The following GOLM1 variants were observed in gnomAD, a reference collection of about 807,000 sequenced individuals.
GOLM1 encodes golgi membrane protein 1.
In GOLM1, 31 loss-of-function variants were observed where a neutral mutation model predicts 50.5. That is an observed-to-expected ratio of 0.61 (90% CI 0.46 to 0.83). The LOEUF (loss-of-function observed/expected upper bound fraction) is 0.83, where lower values mean the gene tolerates loss of function less well. Among genes scored for constraint, GOLM1 ranks in the 40% least tolerant of loss-of-function variants. GOLM1 has a pLI of 0.00. For synonymous variants in GOLM1, 178 were observed against 192.8 expected, an observed-to-expected ratio of 0.92 and a Z score of 0.64; for missense variants, 491 against 501.3, an observed-to-expected ratio of 0.98 and a Z score of 0.20.
chr9:86,059,009 TAAATAA>T (rs1284530148), intron 3 of GOLM1, among the ~76,000 whole-genome samples: 1 of 151,062 alleles, frequency 6.6e-6, no homozygotes, highest in African/African-American at 2.4e-5. Flanking sequence ...AAAAAATAAA[TAAATAA>T]AAATAAAAAA....
chr9:86,069,212 CTTTTTTG>C (rs1045741014), intron 3 of GOLM1, among the ~76,000 whole-genome samples: 5 of 151,614 alleles, frequency 3.3e-5, no homozygotes, highest in African/African-American at 1.2e-4. Context: ...GTGAATTTTT[CTTTTTTG>C]TTTTCAAATT....
At chr9:86,049,667 T>C (rs1405067805) in intron 4 of GOLM1, among the ~76,000 whole-genome samples, 3 of 152,172 alleles carry the variant, frequency 2.0e-5, no homozygotes, top group African/African-American at 7.2e-5. Flanking sequence ...TTTGGCTGTT[T>C]GTCTGTTATT....
At chr9:86,033,642 A>G (rs932269245) in intron 8 of GOLM1, among the ~76,000 whole-genome samples, 7 of 152,244 alleles carry the variant, frequency 4.6e-5, no homozygotes, top group African/African-American at 1.7e-4. Flanking sequence ...TAGGCAGAAC[A>G]TGGAGAAACT....
At chr9:86,080,079 T>C (rs993367803) in intron 1 of GOLM1, 7 of 152,214 alleles carry the variant, frequency 4.6e-5, no homozygotes, top group South Asian at 2.1e-4. Context: ...ATCTTAGGAT[T>C]TGAGGTGGAA....
chr9:86,043,929 G>C (rs1833448278), intron 5 of GOLM1, among the ~76,000 whole-genome samples: 1 of 152,164 alleles, frequency 6.6e-6, no homozygotes, highest in African/African-American at 2.4e-5. Context: ...ATCTATATGA[G>C]GGAAATATTT....
intron 1 of GOLM1, among the ~76,000 whole-genome samples, chr9:86,088,845 T>G (rs2118891453): frequency 6.6e-6 from 1 of 152,322 alleles, no homozygotes; most frequent in East Asian, 1.9e-4. Context: ...TGATGCAGTT[T>G]CTTCATAGTG....
At chr9:86,082,269 G>GC (rs199664500) in intron 1 of GOLM1, among the ~76,000 whole-genome samples, 5,404 of 151,322 alleles carry the variant, frequency 0.036, 284 homozygotes, top group East Asian at 0.27. Context: ...CTTGTGATCC[G>GC]CCCGCCTCGG....
chr9:86,068,766 C>T (rs1221328851), intron 3 of GOLM1, among the ~76,000 whole-genome samples: 2 of 152,198 alleles, frequency 1.3e-5, no homozygotes, highest in African/African-American at 2.4e-5. Context: ...AAAAACAACA[C>T]GTGTGTCTAA....
Position 86,077,489 on chromosome 9 carries a change from G to C in GOLM1, c.232C>G (p.Arg78Gly). The change falls in exon 3 of 10, where the codon CGG becomes GGG. Residue 78 changes from arginine to glycine, a missense_variant. Transcript: ENST00000388712. ...NEFQGELEKQ[R>G]EQLDKIQSSH... ...GACTGGATTTTGTCAAGCTGCTCCC[G>C]CTGCTTCTCCAGCTCTCCCTGGAAC... The C allele has an allele frequency of 1.9e-6, 3 of 1,613,738 alleles. No homozygotes were observed. The highest frequency in any genetic ancestry group is 2.5e-6 in the Non-Finnish European group (3 of 1,179,638).
chr9:86,038,591 GACTCAGGCTCACTAAAAC>G (rs1251013242), intron 6 of GOLM1, among the ~76,000 whole-genome samples: 1 of 152,142 alleles, frequency 6.6e-6, no homozygotes. Flanking sequence ...ACAGCCAAGG[GACTCAGGCTCACTAAAAC>G]ACTCAGGCTC....
chr9:86,095,515 T>A (rs1389992612), intron 1 of GOLM1, among the ~76,000 whole-genome samples: 1 of 152,094 alleles, frequency 6.6e-6, no homozygotes, highest in African/African-American at 2.4e-5. Flanking sequence ...CCCAAAGTGC[T>A]GGGATTACAG....
At position 86,027,910 on chromosome 9, in the gene GOLM1, C is replaced by A; in HGVS notation, c.1130-17G>T. On this transcript the variant is annotated splice_polypyrimidine_tract_variant and intron_variant, in intron 9 of 9. Transcript: ENST00000388712. ...CATTAAAAACTAAAAAGGAAAAACA[C>A]ATAATATTCTATAGAGTATTAAATG... 1 of 1,433,414 alleles carries A rather than the reference C, an allele frequency of 7.0e-7. No individual in the cohort carries two copies. Among genetic ancestry groups the A allele is most frequent in the Non-Finnish European group, 9.8e-7 (1 of 1,016,986 alleles). 88.8% of individuals were successfully genotyped at this position (1,433,414 alleles called of 1,614,324 possible).
At chr9:86,075,120 A>G (rs894522364) in intron 3 of GOLM1, among the ~76,000 whole-genome samples, 2 of 152,134 alleles carry the variant, frequency 1.3e-5, no homozygotes, top group African/African-American at 2.4e-5. Context: ...CCGCAAGAAG[A>G]AGGCATCCAT....
chr9:86,026,317 T>C lies in GOLM1; in HGVS notation c.*1500A>G. 1.0e-6 allele frequency: 1 copy of C among 984,964 alleles called. No individual in the cohort carries two copies. Among genetic ancestry groups the C allele is most frequent in the East Asian group, 1.1e-4 (1 of 8,800 alleles). 61.0% of individuals were successfully genotyped at this position (984,964 alleles called of 1,614,324 possible). On this transcript the variant is annotated 3_prime_UTR_variant, in exon 10 of 10. Transcript: ENST00000388712. ...AGTATGAAAGTACTCTAAGATTTTA[T>C]CTAAGTTGCCTTTTCTGGGTGGGAA...
intron 3 of GOLM1, among the ~76,000 whole-genome samples, chr9:86,075,448 G>A (rs1237190410): frequency 1.3e-5 from 2 of 152,150 alleles, no homozygotes; most frequent in Admixed American, 6.5e-5. Context: ...TGGGTTAAAC[G>A]CTTTATAAAT....
intron 1 of GOLM1, among the ~76,000 whole-genome samples, chr9:86,094,577 T>G (rs972487674): frequency 6.6e-6 from 1 of 152,198 alleles, no homozygotes; most frequent in Non-Finnish European, 1.5e-5. Context: ...GAAAATGAAC[T>G]AGGGAACCAA....
chr9:86,062,529 A>G (rs1215370056), intron 3 of GOLM1, among the ~76,000 whole-genome samples: 4 of 148,956 alleles, frequency 2.7e-5, no homozygotes, highest in African/African-American at 7.5e-5. Context: ...GGAGAGGAGG[A>G]GGGAAGAAAA....
intron 3 of GOLM1, among the ~76,000 whole-genome samples, chr9:86,074,108 A>G (rs1186467138): frequency 6.6e-6 from 1 of 151,992 alleles, no homozygotes; most frequent in Non-Finnish European, 1.5e-5. Flanking sequence ...TGTCATTTGC[A>G]AACCACCCCC....
At chr9:86,032,969 G>GC (rs1468940720) in intron 9 of GOLM1, among the ~76,000 whole-genome samples, 1 of 152,226 alleles carries the variant, frequency 6.6e-6, no homozygotes, top group African/African-American at 2.4e-5. Context: ...GACTGATCAA[G>GC]TAGTGACCTA....
Sources: allele counts gnomAD v4.1 joint callset (sites outside exome capture counted in the v4.1 genomes callset), GRCh38; gene constraint gnomAD v4.1.1; transcripts MANE v1.5; gene names NCBI Gene and HGNC (gene_info 2026-07-23, HGNC 2026-07-21).